Variants in TMEM117 observed in about 807,000 individuals in gnomAD.
TMEM117 encodes transmembrane protein 117.
Under a neutral mutation model 52.4 loss-of-function variants are expected in TMEM117, and 27 were observed. The ratio of observed to expected loss-of-function variants is 0.51; its 90% CI spans 0.38 to 0.71. The LOEUF (loss-of-function observed/expected upper bound fraction) is 0.71, where lower values mean the gene tolerates loss of function less well. Among genes scored for constraint, TMEM117 ranks in the 30% least tolerant of loss-of-function variants. The pLI is 0.00. For missense variants in TMEM117, 556 were observed against 630.5 expected (o/e 0.88, Z 1.26); for synonymous variants, 215 against 206.3 (o/e 1.04, Z -0.36).
intron 6 of TMEM117, among the ~76,000 whole-genome samples, chr12:44,317,207 C>T (rs184560532): frequency 1.3e-5 from 2 of 150,374 alleles, no homozygotes; most frequent in Non-Finnish European, 3.0e-5. Flanking sequence ...TCTTTCTCAT[C>T]TGGAGACACT....
chr12:44,370,604 G>A (rs1330656486), intron 6 of TMEM117, among the ~76,000 whole-genome samples: 4 of 144,646 alleles, frequency 2.8e-5, no homozygotes, highest in Non-Finnish European at 4.5e-5. Flanking sequence ...TGCAACCTCC[G>A]CCTCCTGGGT....
intron 2 of TMEM117, among the ~76,000 whole-genome samples, chr12:43,866,445 C>G (rs1943601277): frequency 6.6e-6 from 1 of 150,612 alleles, no homozygotes; most frequent in Non-Finnish European, 1.5e-5. Context: ...TGAAGCGGTG[C>G]ACACCTATAG....
chr12:43,805,331 T>C, the TMEM117 span, among the ~76,000 whole-genome samples: 1 of 152,224 alleles, frequency 6.6e-6, no homozygotes. Flanking sequence ...TTTGAGACTA[T>C]TTTGCTTCTG....
chr12:44,098,135 A>G (rs1305363060), intron 3 of TMEM117, among the ~76,000 whole-genome samples: 1 of 152,082 alleles, frequency 6.6e-6, no homozygotes, highest in African/African-American at 2.4e-5. Flanking sequence ...CATTGCAAAC[A>G]TAGAAAAAGG....
intron 3 of TMEM117, among the ~76,000 whole-genome samples, chr12:43,959,737 A>G (rs897454333): frequency 6.6e-6 from 1 of 151,958 alleles, no homozygotes; most frequent in Non-Finnish European, 1.5e-5. Context: ...TTGGGAGGTG[A>G]TATTTGTTTG....
upstream of TMEM117, among the ~76,000 whole-genome samples, chr12:43,834,423 C>T (rs913720993): frequency 5.1e-4 from 78 of 152,142 alleles, no homozygotes; most frequent in African/African-American, 1.8e-3. Flanking sequence ...TTAATCTCTG[C>T]CCTTGAAGAG....
intron 2 of TMEM117, among the ~76,000 whole-genome samples, chr12:43,897,012 T>C (rs925215807): frequency 1.3e-5 from 2 of 152,210 alleles, no homozygotes; most frequent in African/African-American, 4.8e-5. Context: ...CCTAGTTGCC[T>C]GAGTCAAGTG....
At chr12:43,970,624 T>G (rs1945568336) in intron 3 of TMEM117, among the ~76,000 whole-genome samples, 1 of 152,190 alleles carries the variant, frequency 6.6e-6, no homozygotes, top group South Asian at 2.1e-4. Context: ...TGTTAAGTTC[T>G]TCCTCTGCCT....
the TMEM117 span, chr12:43,799,282 T>C: frequency 6.4e-6 from 4 of 621,350 alleles, no homozygotes; most frequent in South Asian, 9.2e-5. Context: ...CTAAACGGAA[T>C]AAACCTAAGC....
rs556187046 is a variant in TMEM117 at position 44,086,480 on chromosome 12, G to C, written c.411-57045G>C. 4.3e-4 allele frequency among the ~76,000 whole-genome samples: 66 copies of C among 152,242 alleles called. 1 individual carries two copies. Among genetic ancestry groups the C allele is most frequent in the African/African-American group, 1.6e-3 (65 of 41,550 alleles). ...TCCGCCCCTCTCAGCCGCCCAAAGT[G>C]CTGGGATTACAGGCGTGAGCTACTG... On this transcript the variant is annotated intron_variant, in intron 3 of 7. Coordinates refer to ENST00000266534, the MANE Select transcript of TMEM117 (RefSeq NM_032256.3).
At chr12:44,015,418 A>C (rs936204570) in intron 3 of TMEM117, among the ~76,000 whole-genome samples, 4 of 152,168 alleles carry the variant, frequency 2.6e-5, no homozygotes, top group African/African-American at 9.7e-5. Flanking sequence ...TTTGGACTTA[A>C]AATTTTTGGA....
At chr12:44,020,308 A>T (rs1195335587) in intron 3 of TMEM117, among the ~76,000 whole-genome samples, 1 of 152,172 alleles carries the variant, frequency 6.6e-6, no homozygotes, top group East Asian at 1.9e-4. Context: ...AAGGGTCAGC[A>T]TTCTAAAAGT....
intron 2 of TMEM117, among the ~76,000 whole-genome samples, chr12:43,849,305 TCAGCATAG>T (rs1303519510): frequency 6.6e-5 from 10 of 152,200 alleles, no homozygotes; most frequent in African/African-American, 2.4e-4. Context: ...AGAAATTTTC[TCAGCATAG>T]GAAGCTAAGG....
chr12:44,370,164 A>T (rs1012050746), intron 6 of TMEM117, among the ~76,000 whole-genome samples: 2 of 152,212 alleles, frequency 1.3e-5, no homozygotes, highest in Non-Finnish European at 2.9e-5. Context: ...TTGTATTTAC[A>T]TGATGACTAA....
At chr12:44,376,528 T>C in intron 6 of TMEM117, 67 bp from the exon 7 acceptor site, 1 of 1,570,862 alleles carries the variant, frequency 6.4e-7, no homozygotes, top group Admixed American at 2.0e-5. Flanking sequence ...AAAAAGTCAA[T>C]TTTTGGTGTT....
At chr12:44,161,016 C>T (rs971269639) in intron 4 of TMEM117, among the ~76,000 whole-genome samples, 1 of 152,108 alleles carries the variant, frequency 6.6e-6, no homozygotes, top group African/African-American at 2.4e-5. Context: ...GAAGTAGAGG[C>T]ATTTTGAGTC....
At chr12:43,988,413 T>A (rs1054009456) in intron 3 of TMEM117, among the ~76,000 whole-genome samples, 9 of 152,266 alleles carry the variant, frequency 5.9e-5, no homozygotes, top group African/African-American at 2.2e-4. Context: ...CATATTTTAA[T>A]GACCAAAAAT....
At chr12:43,863,749 G>A (rs1262764857) in intron 2 of TMEM117, among the ~76,000 whole-genome samples, 2 of 152,214 alleles carry the variant, frequency 1.3e-5, no homozygotes, top group Non-Finnish European at 2.9e-5. Flanking sequence ...AGCCCTCGCA[G>A]CCCTCACTCA....
rs138497000 is a variant in TMEM117 at position 43,929,833 on chromosome 12, C to A, written c.278-14377C>A. On this transcript the variant is annotated intron_variant, in intron 2 of 7. Coordinates refer to ENST00000266534, the MANE Select transcript of TMEM117 (RefSeq NM_032256.3). ...TATATTTCTTTGAACATGCTAATTGCAGTTTTCTGACTTCTACGTTATAAT... is the reference window on the plus strand; with the variant it reads ...TATATTTCTTTGAACATGCTAATTGAAGTTTTCTGACTTCTACGTTATAAT... Among the ~76,000 whole-genome samples the A allele has an allele frequency of 4.9e-3, 746 of 152,066 alleles. 5 individuals are homozygous for A. Among genetic ancestry groups the A allele is most frequent in the Non-Finnish European group, 7.8e-3 (532 of 67,940 alleles).
Sources: allele counts gnomAD v4.1 joint callset (sites outside exome capture counted in the v4.1 genomes callset), GRCh38; gene constraint gnomAD v4.1.1; transcripts MANE v1.5; gene names NCBI Gene and HGNC (gene_info 2026-07-23, HGNC 2026-07-21).